KLHL32: variants seen among roughly 807,000 people sequenced by gnomAD.
The protein encoded by KLHL32 is kelch like family member 32.
In KLHL32, 35 loss-of-function variants were observed where a neutral mutation model predicts 64.8. The observed-to-expected ratio is 0.54, with a 90% CI of 0.41 to 0.72. The LOEUF (loss-of-function observed/expected upper bound fraction) is 0.72, where lower values mean the gene tolerates loss of function less well. Ranked by LOEUF, KLHL32 falls within the 30% of genes least tolerant of loss-of-function variation. The probability of loss-of-function intolerance (pLI) is 0.00; values close to 1 mark genes in which losing one functional copy is unlikely to be tolerated. For missense variants in KLHL32, 589 were observed against 768.5 expected (o/e 0.77, Z 2.76); for synonymous variants, 259 against 281.0 (o/e 0.92, Z 0.78).
chr6:96,954,312 ATTTTTTT>A (rs71012579), intron 1 of KLHL32, among the ~76,000 whole-genome samples: 7 of 89,442 alleles, frequency 7.8e-5, no homozygotes, highest in Admixed American at 1.3e-4. Flanking sequence ...CTTTCCTTCA[ATTTTTTT>A]TTTTTTTTTT....
chr6:96,943,915 T>C (rs1238277004), intron 1 of KLHL32, among the ~76,000 whole-genome samples: 1 of 152,226 alleles, frequency 6.6e-6, no homozygotes, highest in African/African-American at 2.4e-5. Context: ...CAGATCTAGA[T>C]TCAAAAGCTG....
the KLHL32 span, among the ~76,000 whole-genome samples, chr6:96,909,441 G>T: frequency 4.6e-5 from 7 of 152,160 alleles, no homozygotes; most frequent in Admixed American, 1.3e-4. Flanking sequence ...TCTGGACTAT[G>T]CTTTGCAACC....
At chr6:97,051,172 T>A (rs1199323052) in intron 4 of KLHL32, among the ~76,000 whole-genome samples, 1 of 152,222 alleles carries the variant, frequency 6.6e-6, no homozygotes, top group Non-Finnish European at 1.5e-5. Flanking sequence ...GGTCTCCAGA[T>A]ATCTTAGATA....
rs1311361204 is a variant in KLHL32, at chr6:97,140,445, T to TATC, written c.*1164_*1166dup. The TATC allele has an allele frequency of 6.6e-6, 1 of 152,108 alleles. No homozygotes were observed. The highest frequency in any genetic ancestry group is 1.5e-5 in the Non-Finnish European group (1 of 67,930). 9.4% of individuals were successfully genotyped at this position (152,108 alleles called of 1,614,324 possible). On this transcript the variant is annotated 3_prime_UTR_variant, in exon 11 of 11. Coordinates refer to ENST00000369261, the MANE Select transcript of KLHL32 (RefSeq NM_052904.4). ...TCACCACCAATACATATTTTATTACTATCTCTTTTAATAATGCATAGGAAT... is the reference window on the plus strand; with the variant it reads ...TCACCACCAATACATATTTTATTACTATCATCTCTTTTAATAATGCATAGGAAT...
chr6:96,898,369 G>C, the KLHL32 span, among the ~76,000 whole-genome samples: 5 of 152,152 alleles, frequency 3.3e-5, no homozygotes, highest in Non-Finnish European at 7.3e-5. Context: ...TTTGTGAAAG[G>C]AAAATAATGA....
chr6:97,106,568 C>A (rs1796432199), intron 6 of KLHL32, among the ~76,000 whole-genome samples: 1 of 151,966 alleles, frequency 6.6e-6, no homozygotes, highest in South Asian at 2.1e-4. Flanking sequence ...CATGGTGAAA[C>A]CCCGTTTCTA....
chr6:96,964,457 T>C (rs965068060), intron 1 of KLHL32, among the ~76,000 whole-genome samples: 1 of 152,132 alleles, frequency 6.6e-6, no homozygotes, highest in Non-Finnish European at 1.5e-5. Flanking sequence ...ATCGAGACCA[T>C]CCTGGCTAAC....
chr6:97,128,803 C>T (rs914279422), intron 8 of KLHL32, among the ~76,000 whole-genome samples: 3 of 152,376 alleles, frequency 2.0e-5, no homozygotes, highest in Non-Finnish European at 4.4e-5. Context: ...CTGGCAGGCA[C>T]TGCAGTGAAG....
intron 6 of KLHL32, among the ~76,000 whole-genome samples, chr6:97,111,399 T>C (rs562024343): frequency 1.3e-5 from 2 of 152,328 alleles, no homozygotes; most frequent in South Asian, 4.1e-4. Context: ...GGGCGGGAAC[T>C]GGAATGCGGG....
intron 10 of KLHL32, among the ~76,000 whole-genome samples, chr6:97,133,584 G>A (rs942279966): frequency 1.3e-5 from 2 of 152,072 alleles, no homozygotes; most frequent in Non-Finnish European, 2.9e-5. Context: ...ATCTCATAAA[G>A]TACATATATT....
At chr6:96,953,283 A>G (rs947046381) in intron 1 of KLHL32, among the ~76,000 whole-genome samples, 4 of 152,092 alleles carry the variant, frequency 2.6e-5, no homozygotes, top group African/African-American at 4.8e-5. Context: ...TTATGTTGCC[A>G]GTCTTGGTTT....
At chr6:96,938,441 G>A (rs1359356158) in intron 1 of KLHL32, among the ~76,000 whole-genome samples, 2 of 152,094 alleles carry the variant, frequency 1.3e-5, no homozygotes, top group Admixed American at 6.5e-5. Flanking sequence ...TCCACCTTCC[G>A]GCATGCTTCT....
intron 5 of KLHL32, among the ~76,000 whole-genome samples, chr6:97,066,519 G>C (rs1469076195): frequency 6.6e-6 from 1 of 152,120 alleles, no homozygotes; most frequent in Non-Finnish European, 1.5e-5. Context: ...TTATTATTCA[G>C]GCTTCTTGAA....
intron 3 of KLHL32, among the ~76,000 whole-genome samples, chr6:97,021,748 A>G (rs1043250376): frequency 6.6e-6 from 1 of 151,032 alleles, no homozygotes; most frequent in Admixed American, 6.6e-5. Flanking sequence ...GAAATCATAT[A>G]TCCAACAGCC....
chr6:97,119,850 C>T (rs1179073301), intron 7 of KLHL32, among the ~76,000 whole-genome samples: 2 of 151,694 alleles, frequency 1.3e-5, no homozygotes, highest in African/African-American at 4.9e-5. Context: ...AGCATTTTGG[C>T]TTTAGTAAGA....
chr6:97,119,769 GTGT>G (rs1798172743), intron 7 of KLHL32, among the ~76,000 whole-genome samples: 1 of 152,140 alleles, frequency 6.6e-6, no homozygotes, highest in Non-Finnish European at 1.5e-5. Context: ...GGGAGAGAAT[GTGT>G]TGTTTTTAGT....
intron 5 of KLHL32, among the ~76,000 whole-genome samples, chr6:97,068,614 A>G (rs952607816): frequency 6.6e-6 from 1 of 152,250 alleles, no homozygotes; most frequent in Non-Finnish European, 1.5e-5. Context: ...CACAGGAAAT[A>G]CAGTTTTGTC....
At chr6:97,011,397 T>C (rs1404146639) in intron 3 of KLHL32, among the ~76,000 whole-genome samples, 2 of 152,226 alleles carry the variant, frequency 1.3e-5, no homozygotes, top group East Asian at 3.8e-4. Context: ...GAGACAAGTT[T>C]TCTAATAGTG....
intron 6 of KLHL32, among the ~76,000 whole-genome samples, chr6:97,109,940 A>C (rs1796900824): frequency 6.6e-6 from 1 of 152,262 alleles, no homozygotes; most frequent in South Asian, 2.1e-4. Context: ...CTGGTGCATA[A>C]GAAATGACCT....
Sources: gnomAD v4.1 joint callset for allele counts (sites outside exome capture counted in the v4.1 genomes callset) on GRCh38, gnomAD v4.1.1 for gene constraint, MANE v1.5 for transcripts, NCBI Gene and HGNC (gene_info 2026-07-23, HGNC 2026-07-21) for gene names.